The following SLC9A3 variants were observed in gnomAD, a reference collection of about 807,000 sequenced individuals.
SLC9A3 encodes the protein solute carrier family 9 member A3.
A neutral mutation model predicts 86.8 loss-of-function variants in SLC9A3; 37 were observed. That is an observed-to-expected ratio of 0.43 (90% CI 0.33 to 0.56). The LOEUF is 0.56. SLC9A3 is among the 20% of genes least tolerant of loss of function. The probability of loss-of-function intolerance (pLI) is 0.06; values close to 1 mark genes in which losing one functional copy is unlikely to be tolerated. For missense variants in SLC9A3, 1,011 were observed against 1,171.9 expected (o/e 0.86, Z 2.00); for synonymous variants, 581 against 528.3 (o/e 1.10, Z -1.37).
In SLC9A3 at chr5:473,823, G is replaced by A. The variant is rs1738540412; in HGVS notation, c.2502-441C>T. Among the ~76,000 whole-genome samples the A allele has an allele frequency of 2.0e-5, 3 of 152,226 alleles. No homozygotes were observed. In the South Asian group the frequency reaches 6.2e-4, roughly 31 times the overall value. On this transcript the variant is annotated intron_variant, in intron 16 of 16. Transcript: ENST00000264938. ...GCTCTGAGCTGGAGGCAGAGTCCGG[G>A]TCTGCGGGGCCGGCCCTCCCTGTAT...
Position 491,902 on chromosome 5 carries a change from G to A in SLC9A3, c.381C>T (p.Ala127=), listed in dbSNP as rs868149516. 1.2e-5 allele frequency: 20 copies of A among 1,611,650 alleles called. No homozygotes were observed. The highest frequency in any genetic ancestry group is 4.5e-5 in the East Asian group (2 of 44,732). ...FYLLPPIVLD[A]GYFMPNRLFF... ...AGAGGCGGTTGGGCATGAAGTAGCC[G>A]GCGTCCAGCACGATGGGGGGCAGCA... The change falls in exon 2 of 17, where the codon GCC becomes GCT. Residue 127 remains alanine (A), a synonymous_variant. Transcript: ENST00000264938. The surrounding 1 kb of genome is among the most constrained non-coding windows in gnomAD (Gnocchi z 9.2).
rs1398943264 is a variant in SLC9A3, at chr5:484,597, G to A, written c.855C>T (p.Ile285=). The A allele has an allele frequency of 1.9e-5, 31 of 1,613,212 alleles. No individual in the cohort carries two copies. Among genetic ancestry groups the A allele is most frequent in the Non-Finnish European group, 2.3e-5 (27 of 1,179,986 alleles). Residue 285 remains isoleucine (I), a synonymous_variant, in exon 5 of 17, where the codon ATC becomes ATT. Coordinates refer to ENST00000264938, the MANE Select transcript of SLC9A3 (RefSeq NM_004174.4). ...VTRFTKHVRI[I]EPGFVFIISY... is the part of the protein sequence containing the mutation. The stretch of plus-strand genomic sequence containing the variant: ...AGATGATGAACACGAAGCCGGGCTC[G>A]ATGATACGCACATGCTTGGTGAAGC...
intron 10 of SLC9A3, 79 bp from the exon 11 acceptor site, chr5:477,523 C>T (rs1738829090): frequency 4.9e-6 from 5 of 1,026,060 alleles, no homozygotes; most frequent in Non-Finnish European, 5.7e-6. Context: ...TGGGGGGAAG[C>T]GCCCAGAGCT....
At chr5:522,334 G>C (rs529431586) in intron 1 of SLC9A3, among the ~76,000 whole-genome samples, 2 of 152,374 alleles carry the variant, frequency 1.3e-5, no homozygotes, top group Admixed American at 1.3e-4. Flanking sequence ...CAAAGCCCTG[G>C]TCAGTGTGCC....
rs1738407881 is a variant in SLC9A3 at position 472,372 on chromosome 5, T to A, written c.*1007A>T. On this transcript the variant is annotated 3_prime_UTR_variant, in exon 17 of 17. Transcript: ENST00000264938. ...GTGCCCTGGGCCCCTCCATGCCCCC[T>A]GGTTTGTTAAGGGGGACAGAGCAGC... The A allele has an allele frequency of 6.0e-6, 2 of 334,364 alleles. No homozygotes were observed. Among genetic ancestry groups the A allele is most frequent in the Non-Finnish European group, 1.2e-5 (2 of 171,484 alleles). 20.7% of individuals were successfully genotyped at this position (334,364 alleles called of 1,614,324 possible).
chr5:504,297 G>A (rs1431521425), intron 1 of SLC9A3, among the ~76,000 whole-genome samples: 1 of 152,126 alleles, frequency 6.6e-6, no homozygotes, highest in Non-Finnish European at 1.5e-5. Context: ...CCCGCGTCCC[G>A]TGACCCACCC....
chr5:488,559 T>G, intron 2 of SLC9A3, 83 bp from the exon 3 acceptor site: 3 of 1,376,768 alleles, frequency 2.2e-6, no homozygotes, highest in Non-Finnish European at 2.9e-6. Flanking sequence ...CGCCTACGGG[T>G]CGGGGTTCGG....
chr5:493,308 C>G (rs1579797451), intron 1 of SLC9A3, among the ~76,000 whole-genome samples: 1 of 152,368 alleles, frequency 6.6e-6, no homozygotes, highest in Non-Finnish European at 1.5e-5. Context: ...GGCCAAGACC[C>G]CATTTAAGCA....
chr5:503,603 T>TA (rs1039612381), intron 1 of SLC9A3, among the ~76,000 whole-genome samples: 21 of 152,236 alleles, frequency 1.4e-4, no homozygotes, highest in Middle Eastern at 3.4e-3. Flanking sequence ...GAGCGAATGG[T>TA]AAAAAATGTC....
At chr5:488,710 ACCCTGG>A (rs1305982109) in intron 2 of SLC9A3, among the ~76,000 whole-genome samples, 2 of 152,198 alleles carry the variant, frequency 1.3e-5, no homozygotes, top group Non-Finnish European at 2.9e-5. Flanking sequence ...AGACAGACTG[ACCCTGG>A]CCCTGGCCCT....
intron 14 of SLC9A3, 26 bp from the exon 15 acceptor site, chr5:475,697 A>T: frequency 8.2e-7 from 1 of 1,220,080 alleles, no homozygotes; most frequent in Non-Finnish European, 1.2e-6. Flanking sequence ...TGGGGTGAGG[A>T]CTGGGGTCAC....
At chr5:479,795 C>T (rs966013801) in intron 10 of SLC9A3, 41 bp downstream of exon 10, 2 of 1,608,356 alleles carry the variant, frequency 1.2e-6, no homozygotes, top group Non-Finnish European at 1.7e-6. Context: ...GTGCCAGAGC[C>T]TGCTGCAGCC....
intron 1 of SLC9A3, among the ~76,000 whole-genome samples, chr5:511,801 G>A (rs544534591): frequency 7.9e-5 from 12 of 152,202 alleles, no homozygotes; most frequent in Non-Finnish European, 1.3e-4. Context: ...GAAATCCTCC[G>A]TCTACACAAA....
intron 10 of SLC9A3, chr5:477,689 G>T (rs1299183053): frequency 2.1e-6 from 1 of 471,632 alleles, no homozygotes; most frequent in Non-Finnish European, 3.8e-6. Flanking sequence ...CAGAGGTCAT[G>T]CTTGTGGGAG....
chr5:523,768 C>G (rs1200305031), intron 1 of SLC9A3, among the ~76,000 whole-genome samples: 1 of 152,192 alleles, frequency 6.6e-6, no homozygotes, highest in Non-Finnish European at 1.5e-5. Flanking sequence ...CTGAGAACCC[C>G]GAAGGAAACC....
intron 2 of SLC9A3, among the ~76,000 whole-genome samples, chr5:490,366 C>T (rs367998059): frequency 3.9e-4 from 59 of 152,026 alleles, no homozygotes; most frequent in African/African-American, 1.4e-3. Flanking sequence ...CCAGGGGTGA[C>T]GTCCTGGTGT....
intron 1 of SLC9A3, among the ~76,000 whole-genome samples, chr5:502,273 G>A (rs988320221): frequency 3.9e-5 from 6 of 152,192 alleles, no homozygotes; most frequent in Non-Finnish European, 5.9e-5. Context: ...GGACCCAGCC[G>A]CTCCGGCCCC....
Position 472,241 on chromosome 5 carries a change from C to T in SLC9A3, c.*1138G>A, listed in dbSNP as rs1044596299. The T allele has an allele frequency of 8.5e-6, 3 of 354,190 alleles. No homozygotes were observed. The highest frequency in any genetic ancestry group is 4.3e-5 in the African/African-American group (2 of 46,670). The allele number at this position is 354,190 out of a possible 1,614,324, so 21.9% of individuals were successfully genotyped here. ...CCAGGAGCTCTGTCCAAGGCCTCGC[C>T]CTGGGACGCTGGAAGGGGTGGGAAG... On this transcript the variant is annotated 3_prime_UTR_variant, in exon 17 of 17. Transcript: ENST00000264938.
chr5:511,129 A>T (rs1252387474), intron 1 of SLC9A3, among the ~76,000 whole-genome samples: 1 of 152,152 alleles, frequency 6.6e-6, no homozygotes, highest in Non-Finnish European at 1.5e-5. Context: ...CTTTGGTCCC[A>T]CTGGCCTTGC....
Sources: gnomAD v4.1 joint callset for allele counts (sites outside exome capture counted in the v4.1 genomes callset) on GRCh38, gnomAD v4.1.1 for gene constraint, Gnocchi (gnomAD v3.1) non-coding constraint, MANE v1.5 for transcripts, NCBI Gene and HGNC (gene_info 2026-07-23, HGNC 2026-07-21) for gene names.